The following NKAIN1 variants were observed in gnomAD, a reference collection of about 807,000 sequenced individuals.
NKAIN1 encodes the protein sodium/potassium transporting ATPase interacting 1, also known as sodium/potassium-transporting ATPase subunit beta-1-interacting protein 1.
A neutral mutation model predicts 31.6 loss-of-function variants in NKAIN1; 13 were observed. The observed-to-expected ratio is 0.41, with a 90% CI of 0.27 to 0.65. NKAIN1 has a LOEUF of 0.65. NKAIN1 is among the 30% of genes least tolerant of loss of function. The pLI, the probability that NKAIN1 is intolerant of heterozygous loss-of-function variation, is 0.30. For synonymous variants in NKAIN1, 104 were observed against 109.0 expected, an observed-to-expected ratio of 0.95 and a Z score of 0.28; for missense variants, 193 against 262.2, an observed-to-expected ratio of 0.74 and a Z score of 1.82.
chr1:31,183,977 T>C lies in NKAIN1; in HGVS notation c.311A>G (p.His104Arg), dbSNP rs536835460. 1.1e-5 allele frequency: 18 copies of C among 1,613,828 alleles called. No individual in the cohort carries two copies. In the Admixed American group the frequency reaches 1.5e-4, roughly 13 times the overall value. ...DFIMTFNTSL[H>R]RSWWMENGPG... Reference sequence around the variant, plus strand: ...CCCATTCTCCATCCACCAGGAGCGGTGCAGGGATGTGTTGAAGGTCATGAT... The same window carrying C: ...CCCATTCTCCATCCACCAGGAGCGGCGCAGGGATGTGTTGAAGGTCATGAT... Residue 104 changes from histidine (H) to arginine (R), a missense_variant, in exon 4 of 7, where the codon CAC becomes CGC. By Grantham distance (29) the His-to-Arg change is conservative. Transcript: ENST00000373736.
intron 4 of NKAIN1, among the ~76,000 whole-genome samples, chr1:31,183,491 C>T (rs1453365029): frequency 1.5e-5 from 2 of 134,406 alleles, no homozygotes; most frequent in Non-Finnish European, 3.0e-5. Flanking sequence ...TCTTGTTGCC[C>T]AGGCTAGAGT....
Position 31,181,531 on chromosome 1 carries a change from G to T in NKAIN1, c.*172C>A. On this transcript the variant is annotated 3_prime_UTR_variant, in exon 7 of 7. Transcript: ENST00000373736. ...TGCGAAGAGCCAAGCTCAAATCCAAGTCCAAGTCCAAGTCCACGTCCAAGT... is the reference window on the plus strand; with the variant it reads ...TGCGAAGAGCCAAGCTCAAATCCAATTCCAAGTCCAAGTCCACGTCCAAGT... 1 of 540,750 alleles carries T rather than the reference G, an allele frequency of 1.8e-6. No individual in the cohort carries two copies. Among genetic ancestry groups the T allele is most frequent in the Non-Finnish European group, 2.9e-6 (1 of 340,884 alleles). The allele number at this position is 540,750 out of a possible 1,614,324, so 33.5% of individuals were successfully genotyped here.
chr1:31,187,595 C>T (rs1057310463), intron 2 of NKAIN1, among the ~76,000 whole-genome samples: 3 of 152,244 alleles, frequency 2.0e-5, no homozygotes, highest in East Asian at 3.9e-4. Flanking sequence ...CGTGTGGTGC[C>T]GCAGCAGGAG....
At chr1:31,231,809 C>T (rs753049125) in intron 1 of NKAIN1, among the ~76,000 whole-genome samples, 2 of 152,198 alleles carry the variant, frequency 1.3e-5, no homozygotes, top group Non-Finnish European at 2.9e-5. Flanking sequence ...GGATTACAAG[C>T]GTGAGCCACT....
chr1:31,186,649 C>G (rs6693735), intron 2 of NKAIN1, among the ~76,000 whole-genome samples: 80,483 of 151,902 alleles, frequency 0.53, 25,125 homozygotes, highest in Middle Eastern at 0.77. Context: ...AGACCCCAAG[C>G]ATAGAACGGG....
At chr1:31,231,360 T>C (rs1039456285) in intron 1 of NKAIN1, among the ~76,000 whole-genome samples, 1 of 141,624 alleles carries the variant, frequency 7.1e-6, no homozygotes, top group Non-Finnish European at 1.5e-5. Context: ...TTTTAATAGA[T>C]GCAGGGTCTT....
intron 2 of NKAIN1, among the ~76,000 whole-genome samples, chr1:31,186,021 A>T (rs1021644894): frequency 2.0e-5 from 3 of 151,034 alleles, no homozygotes; most frequent in African/African-American, 7.3e-5. Context: ...TGAGCTCAGG[A>T]GTTCAAGACC....
chr1:31,188,518 G>C (rs1645261900), intron 1 of NKAIN1: 1 of 238,804 alleles, frequency 4.2e-6, no homozygotes, highest in African/African-American at 2.2e-5. Flanking sequence ...CCTAGCCTTG[G>C]AGGGCAAGGA....
At chr1:31,231,898 T>C (rs1240433182) in intron 1 of NKAIN1, among the ~76,000 whole-genome samples, 3 of 151,498 alleles carry the variant, frequency 2.0e-5, no homozygotes, top group Non-Finnish European at 4.4e-5. Flanking sequence ...TCTCTGTGCC[T>C]GGCTGGAACT....
At position 31,222,332 on chromosome 1, in the gene NKAIN1, C is replaced by T. The variant is rs571468717; in HGVS notation, c.54+17162G>A. Among the ~76,000 whole-genome samples the T allele has an allele frequency of 1.4e-4, 21 of 152,306 alleles. No homozygotes were observed. In the South Asian group the frequency reaches 3.7e-3, roughly 27 times the overall value. ...TGCAGAACATGTGTGTATCTTCACA[C>T]GTGAAAGGGAAGTGGCTACTGGGAA... On this transcript the variant is annotated intron_variant, in intron 1 of 6. Coordinates refer to ENST00000373736, the MANE Select transcript of NKAIN1 (RefSeq NM_024522.3).
At chr1:31,232,431 A>AGAGAGAGG (rs1194034466) in intron 1 of NKAIN1, among the ~76,000 whole-genome samples, 6 of 62,178 alleles carry the variant, frequency 9.6e-5, no homozygotes, top group Non-Finnish European at 1.8e-4. Context: ...ATATAGAGAG[A>AGAGAGAGG]GAGAGAGAGA....
intron 1 of NKAIN1, among the ~76,000 whole-genome samples, chr1:31,210,472 A>G (rs1339763606): frequency 6.6e-6 from 1 of 152,030 alleles, no homozygotes; most frequent in Non-Finnish European, 1.5e-5. Flanking sequence ...TATTTTTAGT[A>G]GAGACGGGGT....
chr1:31,221,970 C>G (rs961755612), intron 1 of NKAIN1, among the ~76,000 whole-genome samples: 1 of 152,088 alleles, frequency 6.6e-6, no homozygotes, highest in African/African-American at 2.4e-5. Flanking sequence ...CCTCCACTTC[C>G]CGGGTTCAAG....
intron 1 of NKAIN1, among the ~76,000 whole-genome samples, chr1:31,194,493 G>A (rs1478003473): frequency 3.0e-5 from 4 of 132,158 alleles, no homozygotes; most frequent in Admixed American, 1.7e-4. Flanking sequence ...TGCAACCTCC[G>A]CCTCCCGGGT....
intron 1 of NKAIN1, among the ~76,000 whole-genome samples, chr1:31,219,934 T>C (rs1186032444): frequency 6.6e-6 from 1 of 151,910 alleles, no homozygotes; most frequent in Non-Finnish European, 1.5e-5. Context: ...GAAATGTTTG[T>C]GCCTTGCTTG....
At chr1:31,232,772 C>T (rs969833290) in intron 1 of NKAIN1, among the ~76,000 whole-genome samples, 1 of 152,054 alleles carries the variant, frequency 6.6e-6, no homozygotes, top group Non-Finnish European at 1.5e-5. Flanking sequence ...CTGACTATCT[C>T]TGCTTGGTCC....
chr1:31,228,380 C>A (rs1645623458), intron 1 of NKAIN1, among the ~76,000 whole-genome samples: 1 of 152,104 alleles, frequency 6.6e-6, no homozygotes, highest in Admixed American at 6.6e-5. Flanking sequence ...TCCCCTACTG[C>A]CTGTACCATG....
At chr1:31,193,059 AT>A (rs201791316) in intron 1 of NKAIN1, among the ~76,000 whole-genome samples, 6,006 of 104,442 alleles carry the variant, frequency 0.058, 173 homozygotes, top group Middle Eastern at 0.11. Flanking sequence ...TTATTTTATT[AT>A]TTATTTTTTT....
chr1:31,201,360 A>AT (rs36022825), intron 1 of NKAIN1, among the ~76,000 whole-genome samples: 88,575 of 136,146 alleles, frequency 0.65, 31,067 homozygotes, highest in Middle Eastern at 0.85. Flanking sequence ...ATCCTACCCT[A>AT]TTTTTTTTTT....
Sources: gnomAD v4.1 joint callset for allele counts (sites outside exome capture counted in the v4.1 genomes callset) on GRCh38, gnomAD v4.1.1 for gene constraint, MANE v1.5 for transcripts, NCBI Gene and HGNC (gene_info 2026-07-23, HGNC 2026-07-21) for gene names.